CTNNA2: variants seen among roughly 807,000 people sequenced by gnomAD.
CTNNA2 encodes catenin alpha 2.
In CTNNA2, 42 loss-of-function variants were observed where a neutral mutation model predicts 101.0. The observed-to-expected ratio is 0.42, with a 90% confidence interval of 0.32 to 0.54. The LOEUF is 0.54. CTNNA2 is among the 20% of genes least tolerant of loss of function. The pLI is 0.14. For synonymous variants in CTNNA2, 450 were observed against 456.4 expected (o/e 0.99, Z 0.18); for missense variants, 871 against 1,223.1 (o/e 0.71, Z 4.29).
chr2:79,972,698 C>T (rs1005932063), intron 7 of CTNNA2, among the ~76,000 whole-genome samples: 3 of 152,164 alleles, frequency 2.0e-5, no homozygotes, highest in Non-Finnish European at 2.9e-5. Flanking sequence ...CTTTCTATTG[C>T]AGCAGGGCAT....
chr2:79,240,199 T>G (rs570414298), intron 2 of CTNNA2, among the ~76,000 whole-genome samples: 2 of 151,648 alleles, frequency 1.3e-5, no homozygotes, highest in African/African-American at 2.4e-5. Flanking sequence ...TGAGCCACCA[T>G]GCTTGGCACA....
intron 7 of CTNNA2, among the ~76,000 whole-genome samples, chr2:79,998,091 T>C (rs977663128): frequency 1.1e-4 from 16 of 152,178 alleles, no homozygotes; most frequent in African/African-American, 3.4e-4. Context: ...ATTACATCAC[T>C]TGCTACATTA....
At chr2:80,532,818 TG>T in intron 9 of CTNNA2, among the ~76,000 whole-genome samples, 1 of 152,280 alleles carries the variant, frequency 6.6e-6, no homozygotes, top group African/African-American at 2.4e-5. Flanking sequence ...GAAGAAAATA[TG>T]ACCTTAGTGA....
chr2:80,456,789 A>T (rs1684015165), intron 9 of CTNNA2, among the ~76,000 whole-genome samples: 1 of 152,146 alleles, frequency 6.6e-6, no homozygotes, highest in Non-Finnish European at 1.5e-5. Flanking sequence ...GAAAAGGTAC[A>T]TGCACATGGA....
intron 7 of CTNNA2, among the ~76,000 whole-genome samples, chr2:80,022,082 T>TA (rs1292506596): frequency 6.6e-6 from 1 of 152,188 alleles, no homozygotes; most frequent in African/African-American, 2.4e-5. Context: ...AATGGCTTGA[T>TA]AAAATGGGAA....
intron 3 of CTNNA2, among the ~76,000 whole-genome samples, chr2:79,806,391 A>G (rs1049581995): frequency 2.0e-5 from 3 of 152,162 alleles, no homozygotes; most frequent in Non-Finnish European, 2.9e-5. Flanking sequence ...CATCTGGATA[A>G]TGGAAGAATT....
intron 3 of CTNNA2, among the ~76,000 whole-genome samples, chr2:79,818,821 T>TTTTATAGATATATATATATATATATATA (rs1553373413): frequency 1.3e-5 from 1 of 74,280 alleles, no homozygotes; most frequent in African/African-American, 7.4e-5. Context: ...CAAAATGCAA[T>TTTTATAGATATATATATATATATATATA]TATATATATA....
chr2:79,388,783 CT>C lies in CTNNA2; in HGVS notation c.-135+14780del, dbSNP rs138737238. 6.9e-4 allele frequency among the ~76,000 whole-genome samples: 103 copies of C among 149,344 alleles called. 1 individual carries two copies. The highest frequency in any genetic ancestry group is 4.9e-3 in the South Asian group (23 of 4,680). On this transcript the variant is annotated intron_variant, in intron 4 of 21. Coordinates refer to the CTNNA2 transcript ENST00000466387. ...ACCATCCTTTTTCTTTCTCTCTCCTCTTTTTTTTTTAATTTTTTTATTATTT... is the reference window on the plus strand; with the variant it reads ...ACCATCCTTTTTCTTTCTCTCTCCTCTTTTTTTTTAATTTTTTTATTATTT...
At chr2:79,626,780 A>G (rs1218719039) in intron 1 of CTNNA2, among the ~76,000 whole-genome samples, 4 of 151,892 alleles carry the variant, frequency 2.6e-5, no homozygotes, top group Admixed American at 1.3e-4. Context: ...GCGAGACAAC[A>G]TGCGTTATAT....
At chr2:79,550,492 A>G (rs1006478582) in intron 1 of CTNNA2, among the ~76,000 whole-genome samples, 31 of 152,302 alleles carry the variant, frequency 2.0e-4, no homozygotes, top group Admixed American at 4.6e-4. Context: ...CACATCATCC[A>G]CTCCATAGCC....
chr2:80,468,274 T>C (rs1392801425), intron 9 of CTNNA2, among the ~76,000 whole-genome samples: 3 of 152,190 alleles, frequency 2.0e-5, no homozygotes, highest in Admixed American at 6.5e-5. Context: ...TTGGACCCTA[T>C]TTGAAAAACC....
At chr2:80,130,774 A>T in intron 7 of CTNNA2, among the ~76,000 whole-genome samples, 1 of 151,710 alleles carries the variant, frequency 6.6e-6, no homozygotes. Flanking sequence ...ATTTTCTGAT[A>T]TAAAGTTGCT....
intron 7 of CTNNA2, among the ~76,000 whole-genome samples, chr2:80,043,377 T>C (rs886499510): frequency 1.3e-5 from 2 of 151,946 alleles, no homozygotes; most frequent in Admixed American, 1.3e-4. Context: ...TTTGTATTTT[T>C]AGTAGAGACA....
chr2:80,165,916 T>C (rs964733840), intron 7 of CTNNA2, among the ~76,000 whole-genome samples: 1 of 152,218 alleles, frequency 6.6e-6, no homozygotes, highest in African/African-American at 2.4e-5. Flanking sequence ...AGCTCCCCAC[T>C]TGGCCTTTGC....
chr2:79,968,990 A>G lies in CTNNA2; in HGVS notation c.1056+59193A>G, dbSNP rs537898869. Among the ~76,000 whole-genome samples, 163 of 152,292 alleles carry G rather than the reference A, an allele frequency of 1.1e-3. 1 individual carries two copies. The highest frequency in any genetic ancestry group is 3.8e-3 in the African/African-American group (158 of 41,566). On this transcript the variant is annotated intron_variant, in intron 7 of 18. Coordinates refer to ENST00000402739, the MANE Select transcript of CTNNA2 (RefSeq NM_001282597.3). Reference sequence around the variant, plus strand: ...TTAATAGCCCTATGAGACAGATACTATGATTATCCTTATTTAATTGGTGGT... The same window carrying G: ...TTAATAGCCCTATGAGACAGATACTGTGATTATCCTTATTTAATTGGTGGT...
chr2:79,985,488 G>A (rs762431939), intron 7 of CTNNA2, among the ~76,000 whole-genome samples: 2 of 152,134 alleles, frequency 1.3e-5, no homozygotes, highest in African/African-American at 2.4e-5. Flanking sequence ...TCAGAGTCCA[G>A]TCTAGACCTA....
At chr2:79,947,229 T>C (rs1363772510) in intron 7 of CTNNA2, among the ~76,000 whole-genome samples, 1 of 152,210 alleles carries the variant, frequency 6.6e-6, no homozygotes, top group Non-Finnish European at 1.5e-5. Flanking sequence ...GACTCCTTAA[T>C]GAGCACATTT....
At chr2:80,106,619 C>T (rs1700904969) in intron 7 of CTNNA2, among the ~76,000 whole-genome samples, 1 of 152,050 alleles carries the variant, frequency 6.6e-6, no homozygotes, top group African/African-American at 2.4e-5. Context: ...TAAGAGGTGG[C>T]CCCCAGACTG....
At chr2:79,541,675 G>A (rs929792579) in intron 1 of CTNNA2, among the ~76,000 whole-genome samples, 1 of 150,338 alleles carries the variant, frequency 6.7e-6, no homozygotes, top group African/African-American at 2.5e-5. Flanking sequence ...TTGCCAGGCT[G>A]GAGTGCAGTG....
Sources: allele counts gnomAD v4.1 joint callset (sites outside exome capture counted in the v4.1 genomes callset), GRCh38; gene constraint gnomAD v4.1.1; transcripts MANE v1.5; gene names NCBI Gene and HGNC (gene_info 2026-07-23, HGNC 2026-07-21).